FBXO27: variants seen among roughly 807,000 people sequenced by gnomAD.
FBXO27 encodes F-box protein 27, also known as F-box only protein 27.
In FBXO27, 28 loss-of-function variants were observed where a neutral mutation model predicts 28.3. That is an observed-to-expected ratio of 0.99 (90% CI 0.73 to 1.36). FBXO27 has a LOEUF of 1.36. Ranked by LOEUF, FBXO27 falls within the 40% of genes most tolerant of loss-of-function variation. The probability of loss-of-function intolerance (pLI) is 0.00; values close to 1 mark genes in which losing one functional copy is unlikely to be tolerated. For synonymous variants in FBXO27, 175 were observed against 167.3 expected (o/e 1.05, Z -0.36); for missense variants, 388 against 394.1 (o/e 0.98, Z 0.13).
At chr19:39,022,146 CTTTTTTTTTTTTTT>C (rs532602600), downstream of FBXO27, among the ~76,000 whole-genome samples, 1 of 89,050 alleles carries the variant, frequency 1.1e-5, no homozygotes, top group African/African-American at 4.6e-5. Context: ...ATTTTCTATT[CTTTTTTTTTTTTTT>C]TTTTTTTTTT....
downstream of FBXO27, among the ~76,000 whole-genome samples, chr19:39,023,707 G>A (rs1325775320): frequency 2.0e-5 from 3 of 151,996 alleles, no homozygotes; most frequent in South Asian, 2.1e-4. Flanking sequence ...TCCACCTCCC[G>A]GATTCAAACG....
rs2072858619 is a variant in FBXO27, at chr19:39,024,034, A to T, written c.*1377T>A. 6.6e-6 allele frequency: 1 copy of T among 152,222 alleles called. No homozygotes were observed. The highest frequency in any genetic ancestry group is 1.5e-5 in the Non-Finnish European group (1 of 68,046). 9.4% of individuals were successfully genotyped at this position (152,222 alleles called of 1,614,324 possible). The stretch of plus-strand genomic sequence containing the variant: ...GATCTGAAGTGGTTTTGGCAAAATA[A>T]GAAATTTATTACATATGATTGGCAG... On this transcript the variant is annotated 3_prime_UTR_variant, in exon 6 of 6. Transcript: ENST00000292853.
chr19:39,026,930 T>G lies in FBXO27; in HGVS notation c.648A>C (p.Leu216=). 1 of 1,614,194 alleles carries G rather than the reference T, an allele frequency of 6.2e-7. No homozygotes were observed. The highest frequency in any genetic ancestry group is 8.5e-7 in the Non-Finnish European group (1 of 1,180,042). Residue 216 remains leucine, a synonymous_variant, in exon 5 of 6, where the codon CTA becomes CTC. Coordinates refer to ENST00000292853, the MANE Select transcript of FBXO27 (RefSeq NM_178820.5). ...GATCAGGCACAGCAGAGAATTTATCTAGAACAGTCTGGTTGGCGTCTAGAA... is the reference window on the plus strand; with the variant it reads ...GATCAGGCACAGCAGAGAATTTATCGAGAACAGTCTGGTTGGCGTCTAGAA... ...VQLLDANQTV[L]DKFSAVPDPI...
At chr19:39,014,874 C>T (rs10853723) in intron 1 of FBXO27, among the ~76,000 whole-genome samples, 72,538 of 151,462 alleles carry the variant, frequency 0.48, 17,580 homozygotes, top group Middle Eastern at 0.58. Flanking sequence ...TAAAACTCAT[C>T]AATAAGGGTG....
At chr19:39,013,457 CCGTCTCTA>C (rs2072805219) in intron 2 of FBXO27, among the ~76,000 whole-genome samples, 1 of 151,540 alleles carries the variant, frequency 6.6e-6, no homozygotes, top group African/African-American at 2.4e-5. Context: ...TGGTGAAGCC[CCGTCTCTA>C]CTAAAAATAC....
intron 1 of FBXO27, among the ~76,000 whole-genome samples, chr19:39,018,893 AC>A: frequency 6.6e-6 from 1 of 151,458 alleles, no homozygotes; most frequent in South Asian, 2.1e-4. Flanking sequence ...ACGTGGCGAA[AC>A]CCTGTCTCTA....
chr19:39,024,232 C>CT lies in FBXO27; in HGVS notation c.*1178dup, dbSNP rs947925025. ...GAGTGGGCAGAACCATCTCCAAATTCTTTTTTTTTTTTGAGACAGGGTCTC... is the reference window on the plus strand; with the variant it reads ...GAGTGGGCAGAACCATCTCCAAATTCTTTTTTTTTTTTTGAGACAGGGTCTC... On this transcript the variant is annotated 3_prime_UTR_variant, in exon 6 of 6. Coordinates refer to ENST00000292853, the MANE Select transcript of FBXO27 (RefSeq NM_178820.5). The CT allele has an allele frequency of 9.5e-4, 139 of 145,886 alleles. No homozygotes were observed. The highest frequency in any genetic ancestry group is 3.6e-3 in the Middle Eastern group (1 of 278). 9.0% of individuals were successfully genotyped at this position (145,886 alleles called of 1,614,324 possible). A position where few individuals can be genotyped will look rare whatever the true frequency, so the allele number is the denominator to read the frequency against.
At chr19:39,023,297 G>A (rs2072854612), downstream of FBXO27, among the ~76,000 whole-genome samples, 1 of 152,192 alleles carries the variant, frequency 6.6e-6, no homozygotes, top group Non-Finnish European at 1.5e-5. Flanking sequence ...GCCACATGGA[G>A]GGCCAACTGT....
rs1206411464 is a variant in FBXO27, at chr19:39,007,817, A to AT, written c.252+6569dup. On this transcript the variant is annotated intron_variant, in intron 2 of 2. Coordinates refer to the FBXO27 transcript ENST00000598394. Reference sequence around the variant, plus strand: ...GCCACCACGCCTGGCTAATTTTTGCATTTTTTGTAGAGATGGAGTTTCCCT... The same window carrying AT: ...GCCACCACGCCTGGCTAATTTTTGCATTTTTTTGTAGAGATGGAGTTTCCCT... Among the ~76,000 whole-genome samples the AT allele has an allele frequency of 5.9e-5, 9 of 151,904 alleles. No individual in the cohort carries two copies. The East Asian group carries it at 1.7e-3, about 29-fold the overall frequency.
At chr19:39,006,607 A>G (rs989967503) in intron 2 of FBXO27, among the ~76,000 whole-genome samples, 2 of 151,964 alleles carry the variant, frequency 1.3e-5, no homozygotes, top group African/African-American at 4.8e-5. Context: ...CGCTAACCAC[A>G]GAGATCTATC....
chr19:39,014,593 G>T (rs10423545), intron 1 of FBXO27: 3,804 of 152,974 alleles, frequency 0.025, 157 homozygotes, highest in African/African-American at 0.086. Context: ...GGGCGTGGAG[G>T]TGGGCACCTG....
intron 1 of FBXO27, among the ~76,000 whole-genome samples, chr19:39,015,483 C>T (rs1263458546): frequency 1.3e-5 from 2 of 150,562 alleles, no homozygotes; most frequent in Middle Eastern, 3.5e-3. Flanking sequence ...AAGTATTAGC[C>T]AGGTGTGGTG....
intron 2 of FBXO27, 128 bp downstream of exon 2, chr19:39,031,736 C>T: frequency 1.4e-6 from 1 of 697,184 alleles, no homozygotes; most frequent in South Asian, 3.2e-5. Context: ...CCGACTCCTC[C>T]CACCGGTCCC....
chr19:39,022,334 T>A (rs1306843478), downstream of FBXO27, among the ~76,000 whole-genome samples: 2 of 151,782 alleles, frequency 1.3e-5, no homozygotes, highest in African/African-American at 4.8e-5. Context: ...TAGAGATGGG[T>A]CTCACTATGT....
At chr19:39,009,567 G>A (rs1213296759) in intron 2 of FBXO27, among the ~76,000 whole-genome samples, 1 of 152,036 alleles carries the variant, frequency 6.6e-6, no homozygotes, top group Non-Finnish European at 1.5e-5. Context: ...GTCTTTTCAT[G>A]TACTTACCGA....
intron 2 of FBXO27, among the ~76,000 whole-genome samples, chr19:39,013,976 G>C (rs2072807983): frequency 1.3e-5 from 2 of 152,118 alleles, no homozygotes; most frequent in South Asian, 4.1e-4. Flanking sequence ...TCACGCCACT[G>C]CACTCCAGCC....
intron 1 of FBXO27, among the ~76,000 whole-genome samples, chr19:39,017,632 A>G (rs951584181): frequency 8.1e-6 from 1 of 123,316 alleles, no homozygotes; most frequent in Non-Finnish European, 1.8e-5. Context: ...AGGTTACTGC[A>G]CTCCAGCCTG....
rs928238103 is a variant in FBXO27 at position 39,025,310 on chromosome 19, G to A, written c.*101C>T. On this transcript the variant is annotated 3_prime_UTR_variant, in exon 6 of 6. Transcript: ENST00000292853. The stretch of plus-strand genomic sequence containing the variant: ...GGACCCAGGAATTCTCAGTATGCCA[G>A]GGAGGTACAAGTGCTTGGTTGGTTA... The A allele has an allele frequency of 3.4e-6, 5 of 1,451,814 alleles. No homozygotes were observed. Among genetic ancestry groups the A allele is most frequent in the Non-Finnish European group, 4.6e-6 (5 of 1,078,064 alleles). The allele number at this position is 1,451,814 out of a possible 1,614,324, so 89.9% of individuals were successfully genotyped here.
chr19:39,020,856 ATT>A (rs557932814), downstream of FBXO27, among the ~76,000 whole-genome samples: 17,418 of 145,694 alleles, frequency 0.12, 1,157 homozygotes, highest in African/African-American at 0.15. Flanking sequence ...TTAACAGAAG[ATT>A]TTTTTTTTTT....
Sources: gnomAD v4.1 joint callset for allele counts (sites outside exome capture counted in the v4.1 genomes callset) on GRCh38, gnomAD v4.1.1 for gene constraint, MANE v1.5 for transcripts, NCBI Gene and HGNC (gene_info 2026-07-23, HGNC 2026-07-21) for gene names.